Variants in STARD9 observed in about 807,000 individuals in gnomAD.
The protein encoded by STARD9 is stAR-related lipid transfer protein 9.
A neutral mutation model predicts 399.8 loss-of-function variants in STARD9; 346 were observed. That is an observed-to-expected ratio of 0.87 (90% CI 0.79 to 0.95). The LOEUF (loss-of-function observed/expected upper bound fraction) is 0.95, where lower values mean the gene tolerates loss of function less well. Among genes scored for constraint, STARD9 ranks in the 40% least tolerant of loss-of-function variants. STARD9 has a pLI of 0.00. For missense variants in STARD9, 5,832 were observed against 5,667.5 expected, an observed-to-expected ratio of 1.03 and a Z score of -0.93; for synonymous variants, 2,203 against 2,143.5, an observed-to-expected ratio of 1.03 and a Z score of -0.77.
At chr15:42,660,355 A>G (rs977554223) in intron 9 of STARD9, among the ~76,000 whole-genome samples, 2 of 152,020 alleles carry the variant, frequency 1.3e-5, no homozygotes, top group African/African-American at 4.8e-5. Flanking sequence ...ACCTGAGGTC[A>G]GGAGTTCAAG....
At chr15:42,714,320 C>T (rs947590791) in intron 26 of STARD9, among the ~76,000 whole-genome samples, 10 of 152,116 alleles carry the variant, frequency 6.6e-5, no homozygotes, top group Non-Finnish European at 1.5e-5. Flanking sequence ...CCCGCCTCGG[C>T]CTACCAAAGT....
At position 42,720,112 on chromosome 15, in the gene STARD9, C is replaced by A. The variant is rs1426333425; in HGVS notation, c.*538C>A. On this transcript the variant is annotated 3_prime_UTR_variant, in exon 33 of 33. Transcript: ENST00000290607. Reference sequence around the variant, plus strand: ...ACAAACCAGAACACCGATTCAGAATCTTTTCTCCCTCTTGAGTTTTTGCAA... The same window carrying A: ...ACAAACCAGAACACCGATTCAGAATATTTTCTCCCTCTTGAGTTTTTGCAA... The A allele has an allele frequency of 6.6e-6, 1 of 152,504 alleles. No individual in the cohort carries two copies. Among genetic ancestry groups the A allele is most frequent in the Non-Finnish European group, 1.5e-5 (1 of 68,228 alleles). The allele number at this position is 152,504 out of a possible 1,614,324, so 9.4% of individuals were successfully genotyped here.
intron 3 of STARD9, among the ~76,000 whole-genome samples, chr15:42,597,816 C>T (rs1329873864): frequency 1.3e-5 from 2 of 151,718 alleles, no homozygotes; most frequent in East Asian, 1.9e-4. Context: ...GGATTTCAGG[C>T]GTGAGCCACA....
chr15:42,674,622 G>T lies in STARD9; in HGVS notation c.1549+131G>T, dbSNP rs539290857. The T allele has an allele frequency of 7.6e-5, 90 of 1,191,568 alleles. No homozygotes were observed. The African/African-American group carries it at 1.3e-3, about 17-fold the overall frequency. The allele number at this position is 1,191,568 out of a possible 1,614,324, so 73.8% of individuals were successfully genotyped here. The stretch of plus-strand genomic sequence containing the variant: ...GTATTCAGGGCCTGCTTCTCTTTCT[G>T]CTGCTAGGTTTCAGGTCTGGGACGT... On this transcript the variant is annotated intron_variant, in intron 17 of 32. Coordinates refer to ENST00000290607, the MANE Select transcript of STARD9 (RefSeq NM_020759.3).
intron 7 of STARD9, among the ~76,000 whole-genome samples, chr15:42,644,998 G>A (rs1436134352): frequency 6.6e-6 from 1 of 152,050 alleles, no homozygotes; most frequent in Non-Finnish European, 1.5e-5. Context: ...ACATCTTCAG[G>A]CTCCACTTCT....
intron 7 of STARD9, among the ~76,000 whole-genome samples, chr15:42,645,876 A>G (rs2059636051): frequency 6.6e-6 from 1 of 151,698 alleles, no homozygotes; most frequent in Admixed American, 6.6e-5. Context: ...AATGGCTTCA[A>G]TTTAAAGTCA....
intron 3 of STARD9, among the ~76,000 whole-genome samples, chr15:42,617,663 C>A (rs746889562): frequency 6.6e-6 from 1 of 152,212 alleles, no homozygotes; most frequent in Admixed American, 6.5e-5. Context: ...GAAAAGGAAT[C>A]TAAACAATTT....
rs1006267535 is a variant in STARD9, at chr15:42,692,781, G to A, written c.11203G>A (p.Gly3735Ser). Residue 3735 changes from glycine to serine, a missense_variant, in exon 23 of 33, where the codon GGC becomes AGC. Physicochemically the swap from Gly to Ser is moderately conservative, Grantham distance 56 (BLOSUM62 0). Transcript: ENST00000290607. ...CTCTACTCAGACCACTGTGGATGAG[G>A]GCAGCCAGACTGACCTCACCTTACC... Reference protein sequence around the residue: ...DGSTQTTVDEGSQTDLTLPTL... With the variant: ...DGSTQTTVDESSQTDLTLPTL... 3 of 1,537,012 alleles carry A rather than the reference G, an allele frequency of 2.0e-6. No individual in the cohort carries two copies. The Admixed American group carries it at 5.9e-5, about 30-fold the overall frequency.
At chr15:42,713,213 G>A (rs2061283311) in intron 26 of STARD9, among the ~76,000 whole-genome samples, 2 of 152,244 alleles carry the variant, frequency 1.3e-5, no homozygotes, top group Non-Finnish European at 2.9e-5. Context: ...AAATGGAATT[G>A]TTTTCACTTC....
At chr15:42,627,315 T>C (rs1285451869) in intron 3 of STARD9, among the ~76,000 whole-genome samples, 2 of 152,060 alleles carry the variant, frequency 1.3e-5, no homozygotes, top group African/African-American at 4.8e-5. Flanking sequence ...AAAAAAATTA[T>C]GGGTACATAG....
At chr15:42,645,655 TC>T (rs1441492738) in intron 7 of STARD9, among the ~76,000 whole-genome samples, 13 of 151,670 alleles carry the variant, frequency 8.6e-5, no homozygotes, top group Non-Finnish European at 2.9e-5. Flanking sequence ...AGCCTCAACT[TC>T]CCAGGCTCAT....
chr15:42,638,398 G>T (rs993198130), intron 6 of STARD9, among the ~76,000 whole-genome samples: 6 of 152,102 alleles, frequency 3.9e-5, no homozygotes, highest in Non-Finnish European at 2.9e-5. Context: ...ATTCACTCAA[G>T]AAACAACCTC....
intron 4 of STARD9, among the ~76,000 whole-genome samples, chr15:42,635,718 C>T (rs1409047789): frequency 1.3e-5 from 2 of 152,332 alleles, no homozygotes; most frequent in African/African-American, 4.8e-5. Flanking sequence ...TGAATTTCTA[C>T]TTATCTCCAG....
chr15:42,603,129 A>G (rs982446611), intron 3 of STARD9, among the ~76,000 whole-genome samples: 3 of 152,154 alleles, frequency 2.0e-5, no homozygotes, highest in Non-Finnish European at 4.4e-5. Flanking sequence ...TGATTTACAT[A>G]TATTTACACA....
chr15:42,704,250 T>C (rs1354493804), intron 26 of STARD9, among the ~76,000 whole-genome samples: 1 of 152,136 alleles, frequency 6.6e-6, no homozygotes, highest in Non-Finnish European at 1.5e-5. Flanking sequence ...CTCTCATAGA[T>C]TTCTGAATTA....
chr15:42,662,715 C>T lies in STARD9; in HGVS notation c.771-79C>T, dbSNP rs535896737. ...CTTTACAGCATGATATACAGAATAACGGATAGTATTTTTCAACAGCATTGT... is the reference window on the plus strand; with the variant it reads ...CTTTACAGCATGATATACAGAATAATGGATAGTATTTTTCAACAGCATTGT... On this transcript the variant is annotated intron_variant, in intron 10 of 32. Transcript: ENST00000290607. The T allele has an allele frequency of 2.4e-4, 214 of 894,996 alleles. 1 individual carries two copies. Among genetic ancestry groups the T allele is most frequent in the South Asian group, 1.3e-3 (86 of 67,924 alleles). The allele number at this position is 894,996 out of a possible 1,614,324, so 55.4% of individuals were successfully genotyped here. A position where few individuals can be genotyped will look rare whatever the true frequency, so the allele number is the denominator to read the frequency against.
chr15:42,705,173 T>G (rs1339953363), intron 26 of STARD9, among the ~76,000 whole-genome samples: 1 of 152,202 alleles, frequency 6.6e-6, no homozygotes, highest in African/African-American at 2.4e-5. Flanking sequence ...CCTCTCCTTC[T>G]GCCATGTGGG....
chr15:42,680,530 G>A (rs893208083), intron 20 of STARD9, among the ~76,000 whole-genome samples: 2 of 152,150 alleles, frequency 1.3e-5, no homozygotes, highest in Admixed American at 6.5e-5. Context: ...AACCCAGGAG[G>A]TGGAGGTTGC....
intron 20 of STARD9, among the ~76,000 whole-genome samples, chr15:42,679,422 T>C (rs7163030): frequency 0.35 from 52,685 of 152,128 alleles, 12,073 homozygotes; most frequent in African/African-American, 0.65. Context: ...TGCCAGTCTT[T>C]TGAGCACACT....
Sources: allele counts gnomAD v4.1 joint callset (sites outside exome capture counted in the v4.1 genomes callset), GRCh38; gene constraint gnomAD v4.1.1; transcripts MANE v1.5; gene names NCBI Gene and HGNC (gene_info 2026-07-23, HGNC 2026-07-21).